RBFOX1: variants seen among roughly 807,000 people sequenced by gnomAD.
The protein encoded by RBFOX1 is RNA binding fox-1 homolog 1.
RBFOX1 carries 8 observed loss-of-function variants against 57.7 expected under a neutral mutation model. The ratio of observed to expected loss-of-function variants is 0.14; its 90% CI spans 0.08 to 0.25. RBFOX1 has a LOEUF of 0.25. RBFOX1 is among the 10% of genes least tolerant of loss of function. The pLI is 1.00. For missense variants in RBFOX1, 611 were observed against 548.5 expected (o/e 1.11, Z -1.14); for synonymous variants, 326 against 222.4 (o/e 1.47, Z -4.15).
chr16:6,845,854 C>A (rs2093726905), intron 3 of RBFOX1, among the ~76,000 whole-genome samples: 1 of 152,180 alleles, frequency 6.6e-6, no homozygotes, highest in Non-Finnish European at 1.5e-5. Context: ...ATCTCAGTCC[C>A]ACTTGTGTAT....
chr16:7,613,101 A>C (rs920981830), intron 10 of RBFOX1, among the ~76,000 whole-genome samples: 30 of 152,226 alleles, frequency 2.0e-4, no homozygotes, highest in African/African-American at 7.0e-4. Flanking sequence ...GATACATACA[A>C]TTAAAGTAAA....
chr16:7,352,540 T>G (rs9933137), intron 4 of RBFOX1, among the ~76,000 whole-genome samples: 29,958 of 151,884 alleles, frequency 0.2, 4,707 homozygotes, highest in African/African-American at 0.44. Context: ...GGTCAGTCCT[T>G]TTGTTCTAGG....
chr16:5,371,423 G>C (rs1276412194), intron 1 of RBFOX1, among the ~76,000 whole-genome samples: 1 of 152,176 alleles, frequency 6.6e-6, no homozygotes, highest in African/African-American at 2.4e-5. Flanking sequence ...GCAAGTCCAG[G>C]AGAGGCCTCA....
At chr16:7,504,722 T>TAC (rs2072242208) in intron 4 of RBFOX1, among the ~76,000 whole-genome samples, 1 of 5,412 alleles carries the variant, frequency 1.8e-4, no homozygotes, top group Non-Finnish European at 5.2e-4. Context: ...TATATATATA[T>TAC]ATATATATAT....
chr16:6,959,474 G>C (rs2082506592), intron 3 of RBFOX1, among the ~76,000 whole-genome samples: 1 of 152,096 alleles, frequency 6.6e-6, no homozygotes, highest in African/African-American at 2.4e-5. Context: ...TTCTAGGCCT[G>C]ATCTCAAGGG....
At chr16:7,063,075 A>G (rs1000258577) in intron 4 of RBFOX1, among the ~76,000 whole-genome samples, 10 of 152,004 alleles carry the variant, frequency 6.6e-5, no homozygotes, top group African/African-American at 1.4e-4. Context: ...ATACCCTGCA[A>G]TGCCTCCCTG....
chr16:7,274,685 T>TTTTTA (rs71391614), intron 4 of RBFOX1, among the ~76,000 whole-genome samples: 40,091 of 151,048 alleles, frequency 0.27, 5,470 homozygotes, highest in Middle Eastern at 0.34. Flanking sequence ...TTTTTTTTAC[T>TTTTTA]TTTTATTTTA....
chr16:7,524,272 C>T lies in RBFOX1; in HGVS notation c.270+5883C>T, dbSNP rs527793793. 1.5e-3 allele frequency among the ~76,000 whole-genome samples: 233 copies of T among 152,288 alleles called. 1 individual carries two copies. Among genetic ancestry groups the T allele is most frequent in the Middle Eastern group, 3.4e-3 (1 of 292 alleles). Reference sequence around the variant, plus strand: ...GAATCTGTAAAAGGGAAGGAGGATGCACCCAGAGCTCCCAACCAGAGCTCA... The same window carrying T: ...GAATCTGTAAAAGGGAAGGAGGATGTACCCAGAGCTCCCAACCAGAGCTCA... On this transcript the variant is annotated intron_variant, in intron 5 of 15. Coordinates refer to ENST00000550418, the MANE Select transcript of RBFOX1 (RefSeq NM_018723.4).
chr16:5,255,066 ATCT>A (rs557162889), intron 1 of RBFOX1, among the ~76,000 whole-genome samples: 105 of 152,284 alleles, frequency 6.9e-4, no homozygotes, highest in African/African-American at 2.4e-3. Context: ...TCAGATCAAC[ATCT>A]TCTGTTAGTT....
intron 3 of RBFOX1, among the ~76,000 whole-genome samples, chr16:5,646,883 T>A (rs1454115478): frequency 5.9e-5 from 9 of 152,114 alleles, no homozygotes; most frequent in Admixed American, 5.9e-4. Flanking sequence ...TCTGCCTGCC[T>A]CAGCCTCCCA....
chr16:6,283,610 A>G (rs1188930818), intron 1 of RBFOX1, among the ~76,000 whole-genome samples: 1 of 152,150 alleles, frequency 6.6e-6, no homozygotes, highest in Non-Finnish European at 1.5e-5. Context: ...ATGGGAAAGG[A>G]TGCCTAACTT....
chr16:7,121,132 C>G (rs2067085379), intron 4 of RBFOX1, among the ~76,000 whole-genome samples: 1 of 151,992 alleles, frequency 6.6e-6, no homozygotes, highest in Admixed American at 6.6e-5. Flanking sequence ...TAGAGGATGT[C>G]AACAAACAAC....
chr16:7,094,344 TAGAG>T (rs1010480910), intron 4 of RBFOX1, among the ~76,000 whole-genome samples: 1 of 151,908 alleles, frequency 6.6e-6, no homozygotes, highest in African/African-American at 2.4e-5. Context: ...TTAGGAGAAG[TAGAG>T]AGAGCTTTGC....
intron 14 of RBFOX1, 49 bp from the exon 15 acceptor site, chr16:7,709,007 T>C: frequency 6.5e-7 from 1 of 1,529,566 alleles, no homozygotes; most frequent in Non-Finnish European, 9.1e-7. Flanking sequence ...TTGTTATTGT[T>C]TTGTAATTGC....
chr16:6,053,970 C>A (rs1356919597), intron 1 of RBFOX1, among the ~76,000 whole-genome samples: 2 of 152,032 alleles, frequency 1.3e-5, no homozygotes, highest in South Asian at 2.1e-4. Context: ...GTGGGAGGAT[C>A]GCTTGAGCCC....
chr16:5,848,526 G>A (rs181814985), intron 3 of RBFOX1, among the ~76,000 whole-genome samples: 51 of 152,270 alleles, frequency 3.3e-4, no homozygotes, highest in African/African-American at 1.1e-3. Flanking sequence ...GGAACTATGG[G>A]TAAAACAAAG....
intron 2 of RBFOX1, among the ~76,000 whole-genome samples, chr16:6,336,502 A>G (rs2083775261): frequency 6.6e-6 from 1 of 152,068 alleles, no homozygotes; most frequent in Non-Finnish European, 1.5e-5. Flanking sequence ...CATTCTTCCT[A>G]CAGAGCTGAT....
chr16:5,551,623 G>A (rs2045468222), intron 2 of RBFOX1, among the ~76,000 whole-genome samples: 1 of 152,136 alleles, frequency 6.6e-6, no homozygotes, highest in African/African-American at 2.4e-5. Flanking sequence ...CCCTGGGCCT[G>A]GGTTCAAATC....
intron 3 of RBFOX1, among the ~76,000 whole-genome samples, chr16:5,659,435 C>CTG (rs1220517051): frequency 6.6e-6 from 1 of 151,700 alleles, no homozygotes; most frequent in Non-Finnish European, 1.5e-5. Flanking sequence ...TCCTGAGTAG[C>CTG]TGGGACTACA....
Sources: gnomAD v4.1 joint callset for allele counts (sites outside exome capture counted in the v4.1 genomes callset) on GRCh38, gnomAD v4.1.1 for gene constraint, MANE v1.5 for transcripts, NCBI Gene and HGNC (gene_info 2026-07-23, HGNC 2026-07-21) for gene names.